The following ZNF618 variants were observed in gnomAD, a reference collection of about 807,000 sequenced individuals.
The protein encoded by ZNF618 is neural precursor cell expressed, developmentally down-regulated 10.
In ZNF618, 34 loss-of-function variants were observed where a neutral mutation model predicts 103.0. The observed-to-expected ratio is 0.33, with a 90% CI of 0.25 to 0.44. The LOEUF (loss-of-function observed/expected upper bound fraction) is 0.44. Ranked by LOEUF, ZNF618 falls within the 20% of genes least tolerant of loss-of-function variation. ZNF618 has a pLI of 1.00. For synonymous variants in ZNF618, 551 were observed against 542.2 expected (o/e 1.02, Z -0.23); for missense variants, 1,059 against 1,295.4 (o/e 0.82, Z 2.80).
intron 1 of ZNF618, among the ~76,000 whole-genome samples, chr9:113,903,473 CTGTT>C (rs1276007258): frequency 2.1e-5 from 3 of 140,758 alleles, no homozygotes; most frequent in African/African-American, 7.8e-5. Flanking sequence ...AAATCTGCCT[CTGTT>C]TTTTTTTTTT....
chr9:114,001,384 G>A (rs1394376520), intron 4 of ZNF618, among the ~76,000 whole-genome samples: 5 of 152,120 alleles, frequency 3.3e-5, no homozygotes, highest in African/African-American at 7.2e-5. Flanking sequence ...AGCCTGTCTA[G>A]AGTAGGGCTG....
rs1564206943 is a variant in ZNF618 at position 113,951,437 on chromosome 9, A to ATG, written c.34-17679_34-17678insGT. On this transcript the variant is annotated intron_variant, in intron 1 of 14. Transcript: ENST00000374126. ...CACACATATATGTGTGTGTGTATAT[A>ATG]TATACATATATGTGTATATATACAT... is the stretch of plus-strand genomic sequence containing the variant. 4.9e-5 allele frequency among the ~76,000 whole-genome samples: 4 copies of ATG among 82,032 alleles called. No individual in the cohort carries two copies. In the East Asian group the frequency reaches 1.1e-3, roughly 23 times the overall value. 53.8% of individuals were successfully genotyped at this position (82,032 alleles called of 152,430 possible). A position where few individuals can be genotyped will look rare whatever the true frequency, so the allele number is the denominator to read the frequency against.
intron 1 of ZNF618, among the ~76,000 whole-genome samples, chr9:113,920,861 G>A (rs1832577942): frequency 6.6e-6 from 1 of 152,254 alleles, no homozygotes; most frequent in African/African-American, 2.4e-5. Flanking sequence ...GGAGATTTGT[G>A]CAGTTTGCCA....
intron 1 of ZNF618, among the ~76,000 whole-genome samples, chr9:113,920,084 A>C (rs1470615709): frequency 3.9e-5 from 6 of 152,202 alleles, no homozygotes; most frequent in Admixed American, 3.3e-4. Flanking sequence ...TCCTGGGTCC[A>C]GAGTGGGGAA....
At chr9:113,952,182 C>T (rs1240493067) in intron 1 of ZNF618, among the ~76,000 whole-genome samples, 2 of 152,060 alleles carry the variant, frequency 1.3e-5, no homozygotes, top group Non-Finnish European at 2.9e-5. Context: ...AATATTTGGT[C>T]CGCAGCATTT....
intron 1 of ZNF618, among the ~76,000 whole-genome samples, chr9:113,951,442 C>CACACATATATGTGTGTGTGTATATAT (rs1835642261): frequency 2.0e-5 from 1 of 49,256 alleles, no homozygotes; most frequent in Admixed American, 2.3e-4. Context: ...TATATATATA[C>CACACATATATGTGTGTGTGTATATAT]ATATATGTGT....
In ZNF618 at chr9:114,049,763, C is replaced by T; in HGVS notation, c.2461C>T (p.Gln821Ter). The change falls in exon 15 of 15, where the codon CAG (glutamine) becomes TAG (stop). Residue 821 changes from glutamine (Q) to a stop codon, truncating the protein, a stop_gained. Coordinates refer to ENST00000374126, the MANE Select transcript of ZNF618 (RefSeq NM_001318042.2). LOFTEE classifies it high-confidence loss of function. ...QQKLRPVPPYQHEEIIGKVCE... is the reference protein window; with the variant it reads ...QQKLRPVPPY ...GAAGCTGCGGCCTGTGCCACCCTAC[C>T]AGCACGAGGAGATCATCGGCAAGGT... 6.2e-7 allele frequency: 1 copy of T among 1,613,976 alleles called. No homozygotes were observed. The highest frequency in any genetic ancestry group is 8.5e-7 in the Non-Finnish European group (1 of 1,179,894).
intron 3 of ZNF618, among the ~76,000 whole-genome samples, chr9:113,989,262 C>A: frequency 6.6e-6 from 1 of 151,782 alleles, no homozygotes; most frequent in South Asian, 2.1e-4. Context: ...AGGCACGCCG[C>A]GTGTGTGGAG....
At chr9:113,891,968 T>G (rs1348960915) in intron 1 of ZNF618, among the ~76,000 whole-genome samples, 2 of 152,104 alleles carry the variant, frequency 1.3e-5, no homozygotes, top group African/African-American at 4.8e-5. Context: ...TGAAATAAGG[T>G]GGTCACAAAA....
chr9:113,982,108 C>G (rs1464729017), intron 2 of ZNF618, among the ~76,000 whole-genome samples: 1 of 152,208 alleles, frequency 6.6e-6, no homozygotes, highest in African/African-American at 2.4e-5. Context: ...AGGAACAAAG[C>G]AGAAGAAAAC....
chr9:113,894,711 G>C (rs1829892260), intron 1 of ZNF618, among the ~76,000 whole-genome samples: 2 of 151,940 alleles, frequency 1.3e-5, no homozygotes, highest in African/African-American at 4.8e-5. Context: ...TGATATTTTT[G>C]ACCGCAGTTG....
chr9:114,029,687 C>T (rs1226534167), intron 11 of ZNF618, among the ~76,000 whole-genome samples: 6 of 152,140 alleles, frequency 3.9e-5, no homozygotes, highest in African/African-American at 1.4e-4. Flanking sequence ...CAGGATAAGC[C>T]GGATGGTTGA....
At position 113,951,465 on chromosome 9, in the gene ZNF618, ATG is replaced by A. The variant is rs368732007; in HGVS notation, c.34-17646_34-17645del. 9.6e-5 allele frequency among the ~76,000 whole-genome samples: 6 copies of A among 62,444 alleles called. 3 individuals are homozygous for A. The highest frequency in any genetic ancestry group is 2.1e-4 in the Non-Finnish European group (6 of 29,258). The allele number at this position is 62,444 out of a possible 152,430, so 41.0% of individuals were successfully genotyped here. Reference sequence around the variant, plus strand: ...TACATATATGTGTATATATACATATATGTGTGTATGTGTACACATATATGTGT... The same window carrying A: ...TACATATATGTGTATATATACATATATGTGTATGTGTACACATATATGTGT... On this transcript the variant is annotated intron_variant, in intron 1 of 14. Transcript: ENST00000374126.
At chr9:113,997,934 G>A (rs148097073) in intron 3 of ZNF618, among the ~76,000 whole-genome samples, 21 of 152,354 alleles carry the variant, frequency 1.4e-4, no homozygotes, top group African/African-American at 3.8e-4. Flanking sequence ...CACTGCACCC[G>A]TGGGGCACAT....
intron 1 of ZNF618, among the ~76,000 whole-genome samples, chr9:113,889,320 T>TCC (rs2130975224): frequency 6.8e-6 from 1 of 146,496 alleles, no homozygotes; most frequent in Admixed American, 7.1e-5. Flanking sequence ...CGCTACCATC[T>TCC]CTCTCTCTCT....
At chr9:114,029,680 G>C (rs148851779) in intron 11 of ZNF618, among the ~76,000 whole-genome samples, 40 of 152,218 alleles carry the variant, frequency 2.6e-4, no homozygotes, top group African/African-American at 9.2e-4. Flanking sequence ...AACAAAGCAG[G>C]ATAAGCCGGA....
intron 1 of ZNF618, among the ~76,000 whole-genome samples, chr9:113,918,458 C>G (rs1231341772): frequency 2.0e-5 from 3 of 152,200 alleles, no homozygotes; most frequent in Non-Finnish European, 2.9e-5. Flanking sequence ...TTCTTGCCTA[C>G]AACAGTGATA....
At chr9:113,973,788 T>C (rs57630919) in intron 2 of ZNF618, among the ~76,000 whole-genome samples, 3,231 of 152,316 alleles carry the variant, frequency 0.021, 102 homozygotes, top group African/African-American at 0.075. Flanking sequence ...ATTTTTCTTT[T>C]GTCAGCTGAG....
At chr9:114,024,044 G>C (rs993910028) in intron 10 of ZNF618, among the ~76,000 whole-genome samples, 2 of 151,902 alleles carry the variant, frequency 1.3e-5, no homozygotes, top group Non-Finnish European at 2.9e-5. Context: ...TTTCTCTCTT[G>C]TTGAGACTTT....
Sources: allele counts gnomAD v4.1 joint callset (sites outside exome capture counted in the v4.1 genomes callset), GRCh38; gene constraint gnomAD v4.1.1; transcripts MANE v1.5; gene names NCBI Gene and HGNC (gene_info 2026-07-23, HGNC 2026-07-21).